Variants in CNTNAP2 observed in about 807,000 individuals in gnomAD.
CNTNAP2 encodes contactin-associated protein-like 2.
Under a neutral mutation model 155.2 loss-of-function variants are expected in CNTNAP2, and 98 were observed. That is an observed-to-expected ratio of 0.63 (90% CI 0.54 to 0.75). CNTNAP2 has a LOEUF of 0.75. Among genes scored for constraint, CNTNAP2 ranks in the 30% least tolerant of loss-of-function variants. The pLI is 0.00. For missense variants in CNTNAP2, 1,727 were observed against 1,688.1 expected (o/e 1.02, Z -0.40); for synonymous variants, 651 against 631.2 (o/e 1.03, Z -0.47).
intron 14 of CNTNAP2, among the ~76,000 whole-genome samples, chr7:147,917,749 T>G (rs1283412619): frequency 6.6e-6 from 1 of 152,096 alleles, no homozygotes; most frequent in African/African-American, 2.4e-5. Flanking sequence ...CTGTCGGAAG[T>G]GTTAATTCTT....
chr7:147,472,628 T>C (rs771667999), intron 10 of CNTNAP2, among the ~76,000 whole-genome samples: 2 of 151,864 alleles, frequency 1.3e-5, no homozygotes, highest in Admixed American at 6.6e-5. Context: ...AGCTGCAAAA[T>C]GGGGTGGGTG....
chr7:146,413,372 C>T (rs75905649), intron 1 of CNTNAP2, among the ~76,000 whole-genome samples: 4,611 of 152,110 alleles, frequency 0.03, 153 homozygotes, highest in African/African-American at 0.085. Context: ...GTCCCAAGAT[C>T]CCAAAAAGGA....
intron 1 of CNTNAP2, among the ~76,000 whole-genome samples, chr7:146,453,789 G>A (rs1031943732): frequency 2.6e-5 from 4 of 152,138 alleles, no homozygotes; most frequent in African/African-American, 9.7e-5. Flanking sequence ...GGCTGTGACT[G>A]TTGGCAGCTT....
chr7:146,676,183 A>T (rs1309158039), intron 1 of CNTNAP2, among the ~76,000 whole-genome samples: 2 of 152,200 alleles, frequency 1.3e-5, no homozygotes, highest in East Asian at 3.8e-4. Flanking sequence ...TATGATATAC[A>T]TGTTTTTCAT....
At chr7:147,514,120 T>C (rs1240984226) in intron 11 of CNTNAP2, among the ~76,000 whole-genome samples, 8 of 152,042 alleles carry the variant, frequency 5.3e-5, no homozygotes. Context: ...ATGAAAAAAT[T>C]AGAAAAAAAT....
At chr7:147,431,767 T>C (rs373041424) in intron 10 of CNTNAP2, among the ~76,000 whole-genome samples, 4 of 152,226 alleles carry the variant, frequency 2.6e-5, no homozygotes, top group South Asian at 2.1e-4. Flanking sequence ...CATCCCACTC[T>C]TGTTTTTCTC....
chr7:146,924,980 C>A (rs1371488138), intron 3 of CNTNAP2, among the ~76,000 whole-genome samples: 1 of 152,028 alleles, frequency 6.6e-6, no homozygotes, highest in Non-Finnish European at 1.5e-5. Context: ...GATTAATATG[C>A]CATATTCTTA....
intron 3 of CNTNAP2, among the ~76,000 whole-genome samples, chr7:146,968,194 C>T (rs1038689453): frequency 2.6e-5 from 4 of 151,698 alleles, no homozygotes; most frequent in African/African-American, 9.7e-5. Context: ...TTTTGATGTG[C>T]TGCTGGATTC....
chr7:148,413,400 AAATATATATATATATAT>A (rs1799891901), intron 23 of CNTNAP2, among the ~76,000 whole-genome samples: 1 of 66,228 alleles, frequency 1.5e-5, no homozygotes, highest in African/African-American at 8.7e-5. Context: ...CTCAAAAAAA[AAATATATATATATATAT>A]ATATATATAT....
chr7:147,902,814 A>G (rs6967314), intron 13 of CNTNAP2, among the ~76,000 whole-genome samples: 26,274 of 125,304 alleles, frequency 0.21, 2,463 homozygotes, highest in Middle Eastern at 0.25. Context: ...GTGTGTGTGT[A>G]TGTGTGTGTG....
At chr7:148,019,972 A>C (rs995346289) in intron 15 of CNTNAP2, among the ~76,000 whole-genome samples, 1 of 152,112 alleles carries the variant, frequency 6.6e-6, no homozygotes. Context: ...TTTAGTAGAG[A>C]CAGGGTTTCA....
At chr7:146,881,526 G>T (rs1024216103) in intron 3 of CNTNAP2, among the ~76,000 whole-genome samples, 1 of 152,050 alleles carries the variant, frequency 6.6e-6, no homozygotes, top group Admixed American at 6.6e-5. Context: ...GTGAGGAGGT[G>T]GGGGTCAAGA....
chr7:146,969,195 A>T (rs1458721950), intron 3 of CNTNAP2, among the ~76,000 whole-genome samples: 1,633 of 151,596 alleles, frequency 0.011, 27 homozygotes, highest in African/African-American at 0.038. Context: ...ATAATGTCTG[A>T]TCTTTTACAT....
At chr7:147,318,987 G>T (rs779693254) in intron 9 of CNTNAP2, among the ~76,000 whole-genome samples, 2 of 152,018 alleles carry the variant, frequency 1.3e-5, no homozygotes, top group African/African-American at 2.4e-5. Context: ...AATTTGTCAG[G>T]ATTATTTTTA....
intron 3 of CNTNAP2, among the ~76,000 whole-genome samples, chr7:147,041,670 C>A (rs775833780): frequency 5.3e-4 from 81 of 152,264 alleles, no homozygotes; most frequent in Non-Finnish European, 9.3e-4. Context: ...CTGCCTTTTG[C>A]AATATCTTTT....
chr7:146,607,629 TC>T (rs1799069640), intron 1 of CNTNAP2, among the ~76,000 whole-genome samples: 1 of 151,710 alleles, frequency 6.6e-6, no homozygotes, highest in African/African-American at 2.4e-5. Context: ...GGTGCATGCA[TC>T]ATATCTCGCT....
intron 9 of CNTNAP2, among the ~76,000 whole-genome samples, chr7:147,345,789 G>A (rs1196064551): frequency 6.6e-6 from 1 of 152,090 alleles, no homozygotes; most frequent in Non-Finnish European, 1.5e-5. Context: ...GTAATACTTT[G>A]GAATTACATT....
intron 1 of CNTNAP2, among the ~76,000 whole-genome samples, chr7:146,135,406 G>C (rs1797783366): frequency 1.3e-5 from 2 of 152,110 alleles, no homozygotes; most frequent in South Asian, 4.1e-4. Flanking sequence ...AGTTATGAGA[G>C]AATAAAACTA....
intron 14 of CNTNAP2, among the ~76,000 whole-genome samples, chr7:147,922,410 C>T (rs1398085067): frequency 6.6e-6 from 1 of 152,144 alleles, no homozygotes; most frequent in South Asian, 2.1e-4. Context: ...GGGGCAATGC[C>T]CAGGCTTCAC....
Sources: gnomAD v4.1 joint callset for allele counts (sites outside exome capture counted in the v4.1 genomes callset) on GRCh38, gnomAD v4.1.1 for gene constraint, MANE v1.5 for transcripts, NCBI Gene and HGNC (gene_info 2026-07-23, HGNC 2026-07-21) for gene names.